Variants in MCM5 observed in about 807,000 individuals in gnomAD.
The protein encoded by MCM5 is minichromosome maintenance complex component 5.
Under a neutral mutation model 79.9 loss-of-function variants are expected in MCM5, and 46 were observed. The observed-to-expected ratio is 0.58, with a 90% CI of 0.45 to 0.74. The LOEUF is 0.74. MCM5 is among the 30% of genes least tolerant of loss of function. The pLI, the probability that MCM5 is intolerant of heterozygous loss-of-function variation, is 0.00. For synonymous variants in MCM5, 404 were observed against 390.5 expected (o/e 1.03, Z -0.41); for missense variants, 883 against 1,017.0 (o/e 0.87, Z 1.79).
downstream of MCM5, among the ~76,000 whole-genome samples, chr22:35,427,229 A>C (rs1299413455): frequency 6.6e-6 from 1 of 152,230 alleles, no homozygotes; most frequent in Non-Finnish European, 1.5e-5. Context: ...AACATAGCAA[A>C]GGCTATATCC....
intron 7 of MCM5, 52 bp from the exon 8 acceptor site, chr22:35,412,458 G>T (rs1932410136): frequency 7.1e-7 from 1 of 1,406,214 alleles, no homozygotes; most frequent in Admixed American, 2.6e-5. Context: ...GATGGGCAGT[G>T]GGCTGGAAGA....
the MCM5 span, among the ~76,000 whole-genome samples, chr22:35,437,933 A>C: frequency 6.6e-6 from 1 of 152,174 alleles, no homozygotes. Flanking sequence ...CCAGAGGAGA[A>C]GGGGAGTGAC....
At chr22:35,433,602 A>G in the MCM5 span, among the ~76,000 whole-genome samples, 4 of 152,134 alleles carry the variant, frequency 2.6e-5, no homozygotes, top group Non-Finnish European at 5.9e-5. Flanking sequence ...TTGTTGGTGT[A>G]TGTAAGTCGC....
chr22:35,440,404 T>C, the MCM5 span, among the ~76,000 whole-genome samples: 1 of 152,182 alleles, frequency 6.6e-6, no homozygotes, highest in African/African-American at 2.4e-5. Context: ...AACTGGCTGA[T>C]CCCTGAAGCC....
At chr22:35,407,109 AC>A (rs4645762) in intron 5 of MCM5, among the ~76,000 whole-genome samples, 4,905 of 152,272 alleles carry the variant, frequency 0.032, 107 homozygotes, top group Non-Finnish European at 0.048. Context: ...AGTATTGCCC[AC>A]AGCTGGTTTC....
At chr22:35,454,695 T>A in the MCM5 span, among the ~76,000 whole-genome samples, 85 of 152,224 alleles carry the variant, frequency 5.6e-4, no homozygotes, top group Non-Finnish European at 1.0e-3. Flanking sequence ...CAGTGCTGAC[T>A]TGCAGAGTTG....
intron 4 of MCM5, among the ~76,000 whole-genome samples, chr22:35,404,690 C>T (rs4645750): frequency 0.57 from 86,206 of 152,006 alleles, 24,792 homozygotes; most frequent in Non-Finnish European, 0.6. Flanking sequence ...TGAATTCCGC[C>T]TCCCCAGCCT....
At position 35,406,600 on chromosome 22, in the gene MCM5, G is replaced by A. The variant is rs759439074; in HGVS notation, c.471G>A (p.Ala157=). The part of the protein sequence containing the change: ...HLVKIPGIII[A]ASAVRAKATR... ...TGAAGATCCCTGGCATCATCATCGC[G>A]GCCTCTGCGGTCCGTGCCAAGGCCA... The change falls in exon 5 of 17, where the codon GCG becomes GCA. Residue 157 remains alanine (A), a synonymous_variant. Coordinates refer to ENST00000216122, the MANE Select transcript of MCM5 (RefSeq NM_006739.4). 1.1e-5 allele frequency: 17 copies of A among 1,613,542 alleles called. No individual in the cohort carries two copies. The highest frequency in any genetic ancestry group is 1.6e-4 in the Middle Eastern group (1 of 6,084).
the MCM5 span, among the ~76,000 whole-genome samples, chr22:35,446,746 C>G: frequency 6.6e-6 from 1 of 152,178 alleles, no homozygotes; most frequent in Non-Finnish European, 1.5e-5. Flanking sequence ...TAGTCCTGGA[C>G]TCACCGCACC....
the MCM5 span, among the ~76,000 whole-genome samples, chr22:35,449,554 G>A: frequency 6.6e-6 from 1 of 150,670 alleles, no homozygotes; most frequent in East Asian, 2.0e-4. Context: ...CCCAACCGTG[G>A]CCTCTTTGTC....
intron 15 of MCM5, 179 bp from the exon 16 acceptor site, chr22:35,423,035 C>T: frequency 2.0e-6 from 1 of 508,532 alleles, no homozygotes; most frequent in East Asian, 3.4e-5. Context: ...AGTGTCCCCA[C>T]ATGTGCCATA....
At chr22:35,416,479 G>T in intron 11 of MCM5, 75 bp downstream of exon 11, 3 of 1,510,138 alleles carry the variant, frequency 2.0e-6, no homozygotes, top group Admixed American at 1.7e-5. Context: ...TGCCCTGATT[G>T]GGACCAAGTT....
At chr22:35,400,274 G>C (rs1396250612) in intron 1 of MCM5, 66 bp downstream of exon 1, 1 of 720,756 alleles carries the variant, frequency 1.4e-6, no homozygotes, top group Non-Finnish European at 2.4e-6. Context: ...GGGTGTAGTT[G>C]GAGTGGGACA....
intron 6 of MCM5, 66 bp from the exon 7 acceptor site, chr22:35,410,678 A>C: frequency 6.7e-7 from 1 of 1,493,032 alleles, no homozygotes; most frequent in Non-Finnish European, 9.3e-7. Flanking sequence ...GCATGGGTGG[A>C]ATCAGAGACT....
At chr22:35,413,501 C>G (rs1395460124) in intron 8 of MCM5, among the ~76,000 whole-genome samples, 1 of 152,156 alleles carries the variant, frequency 6.6e-6, no homozygotes, top group East Asian at 1.9e-4. Context: ...GAGCCAGGAG[C>G]CTGCTGTCAT....
chr22:35,408,492 G>A lies in MCM5; in HGVS notation c.681G>A (p.Leu227=). 3 of 1,614,234 alleles carry A rather than the reference G, an allele frequency of 1.9e-6. No individual in the cohort carries two copies. The highest frequency in any genetic ancestry group is 2.5e-6 in the Non-Finnish European group (3 of 1,180,032). ...DKCKCVDFQT[L]KLQELPDAVP... ...GCAAATGCGTGGACTTCCAGACCCTGAAGCTGCAGGAGCTGCCTGATGCAG... is the reference window on the plus strand; with the variant it reads ...GCAAATGCGTGGACTTCCAGACCCTAAAGCTGCAGGAGCTGCCTGATGCAG... The change falls in exon 6 of 17, where the codon CTG becomes CTA. Residue 227 remains leucine (L), a synonymous_variant. Transcript: ENST00000216122.
At chr22:35,441,646 G>A in the MCM5 span, among the ~76,000 whole-genome samples, 1,147 of 152,254 alleles carry the variant, frequency 7.5e-3, 11 homozygotes, top group African/African-American at 0.026. Context: ...GTGAGGGATG[G>A]AAGGGCAGAG....
intron 12 of MCM5, 83 bp downstream of exon 12, chr22:35,416,897 A>G: frequency 6.6e-7 from 1 of 1,508,256 alleles, no homozygotes; most frequent in Non-Finnish European, 9.1e-7. Context: ...ATGGAGAACA[A>G]GGGCCTTGGC....
intron 6 of MCM5, 153 bp from the exon 7 acceptor site, chr22:35,410,591 G>T: frequency 2.7e-6 from 2 of 730,272 alleles, no homozygotes; most frequent in Non-Finnish European, 2.5e-6. Context: ...GCCGTTCTCT[G>T]GGCTCCGTGG....
Sources: gnomAD v4.1 joint callset for allele counts (sites outside exome capture counted in the v4.1 genomes callset) on GRCh38, gnomAD v4.1.1 for gene constraint, MANE v1.5 for transcripts, NCBI Gene and HGNC (gene_info 2026-07-23, HGNC 2026-07-21) for gene names.